COA5: variants seen among roughly 807,000 people sequenced by gnomAD.
COA5 encodes cytochrome c oxidase assembly factor 5, also known as protein C2orf64.
Under a neutral mutation model 11.8 loss-of-function variants are expected in COA5, and 11 were observed. The ratio of observed to expected loss-of-function variants is 0.93; its 90% CI spans 0.59 to 1.54. The LOEUF (loss-of-function observed/expected upper bound fraction) is 1.54, where lower values mean the gene tolerates loss of function less well. Ranked by LOEUF, COA5 falls within the 40% of genes most tolerant of loss-of-function variation. The pLI, the probability that COA5 is intolerant of heterozygous loss-of-function variation, is 0.00. For missense variants in COA5, 87 were observed against 89.2 expected (o/e 0.97, Z 0.10); for synonymous variants, 38 against 37.5 (o/e 1.01, Z -0.05).
intron 2 of COA5, among the ~76,000 whole-genome samples, chr2:98,601,554 G>A (rs1247100060): frequency 6.6e-6 from 1 of 152,206 alleles, no homozygotes; most frequent in Non-Finnish European, 1.5e-5. Flanking sequence ...CTTAAGGGTA[G>A]TAGGTAGAGC....
Position 98,600,569 on chromosome 2 carries a change from A to G in COA5, c.*183T>C, listed in dbSNP as rs1374349968. 2 of 616,366 alleles carry G rather than the reference A, an allele frequency of 3.2e-6. No individual in the cohort carries two copies. Among genetic ancestry groups the G allele is most frequent in the East Asian group, 5.6e-5 (2 of 35,842 alleles). The allele number at this position is 616,366 out of a possible 1,614,324, so 38.2% of individuals were successfully genotyped here. ...TTTCTTCTAAAAATAACTTGGATCA[A>G]GAGAATCATTTACTTTATACATATT... On this transcript the variant is annotated 3_prime_UTR_variant, in exon 3 of 3. Coordinates refer to ENST00000328709, the MANE Select transcript of COA5 (RefSeq NM_001008215.3).
intron 1 of COA5, among the ~76,000 whole-genome samples, chr2:98,607,771 C>G (rs1332567183): frequency 6.6e-6 from 1 of 152,042 alleles, no homozygotes; most frequent in Non-Finnish European, 1.5e-5. Context: ...AAGCAAGATA[C>G]GAAATCGTGA....
At chr2:98,601,916 C>G (rs962448955) in intron 2 of COA5, among the ~76,000 whole-genome samples, 1 of 152,170 alleles carries the variant, frequency 6.6e-6, no homozygotes, top group Non-Finnish European at 1.5e-5. Flanking sequence ...TCCCCTGCCC[C>G]CTTCCCCGTC....
At chr2:98,607,899 G>T (rs1332210819) in intron 1 of COA5, among the ~76,000 whole-genome samples, 5 of 152,210 alleles carry the variant, frequency 3.3e-5, no homozygotes, top group African/African-American at 9.7e-5. Flanking sequence ...CAACTGAACA[G>T]GCAGGAGACA....
In COA5 at chr2:98,600,613, T is replaced by C. The variant is rs1700628360; in HGVS notation, c.*139A>G. On this transcript the variant is annotated 3_prime_UTR_variant, in exon 3 of 3. Coordinates refer to ENST00000328709, the MANE Select transcript of COA5 (RefSeq NM_001008215.3). The stretch of plus-strand genomic sequence containing the variant: ...ACATATTCGAAAACAACTCATCCAC[T>C]TTCTTCAGTGTTCCACGGAGGGGAA... 1 of 722,550 alleles carries C rather than the reference T, an allele frequency of 1.4e-6. No homozygotes were observed. 44.8% of individuals were successfully genotyped at this position (722,550 alleles called of 1,614,324 possible).
chr2:98,600,784 T>C lies in COA5; in HGVS notation c.193A>G (p.Arg65Gly). 2 of 1,601,744 alleles carry C rather than the reference T, an allele frequency of 1.2e-6. No individual in the cohort carries two copies. Among genetic ancestry groups the C allele is most frequent in the Non-Finnish European group, 1.7e-6 (2 of 1,169,660 alleles). Residue 65 changes from arginine (R) to glycine (G), a missense_variant, in exon 3 of 3, where the codon AGG becomes GGG. Coordinates refer to ENST00000328709, the MANE Select transcript of COA5 (RefSeq NM_001008215.3). ...FECKRSVLDN[R>G]ARFRGRKGY ...CCTTTTCTTCCTCTGAATCTTGCCC[T>C]GTTATCCAACTGAAAATAAATATAC...
rs1700746953 is a variant in COA5 at position 98,608,508 on chromosome 2, G to C, written c.-103C>G. ...CCCAGTCTCAGGGGACCGGAAGCCA[G>C]CGGCAACAACTTCCGGCGGGCCGCG... On this transcript the variant is annotated 5_prime_UTR_variant, in exon 1 of 3. Transcript: ENST00000328709. 2 of 927,006 alleles carry C rather than the reference G, an allele frequency of 2.2e-6. No homozygotes were observed. The highest frequency in any genetic ancestry group is 3.4e-6 in the Non-Finnish European group (2 of 589,754). 57.4% of individuals were successfully genotyped at this position (927,006 alleles called of 1,614,324 possible). A position where few individuals can be genotyped will look rare whatever the true frequency, so the allele number is the denominator to read the frequency against.
intron 2 of COA5, 71 bp from the exon 3 acceptor site, chr2:98,600,864 G>T: frequency 1.0e-6 from 1 of 955,748 alleles, no homozygotes; most frequent in South Asian, 1.4e-5. Context: ...ACTTTGGTAA[G>T]GGTATCACCG....
At chr2:98,605,282 GT>G in intron 1 of COA5, among the ~76,000 whole-genome samples, 1 of 152,344 alleles carries the variant, frequency 6.6e-6, no homozygotes, top group African/African-American at 2.4e-5. Context: ...CCACTGGAAT[GT>G]GTGGGAAACA....
At chr2:98,606,265 G>A (rs1172661939) in intron 1 of COA5, among the ~76,000 whole-genome samples, 1 of 152,196 alleles carries the variant, frequency 6.6e-6, no homozygotes, top group Non-Finnish European at 1.5e-5. Flanking sequence ...TCCCCAGTGA[G>A]GAGCAGTGGG....
chr2:98,605,984 G>GT (rs1559145169), intron 1 of COA5: 1 of 152,136 alleles, frequency 6.6e-6, no homozygotes, highest in Admixed American at 6.5e-5. Context: ...ATTACCCTGA[G>GT]TTTCTCTGAG....
intron 1 of COA5, among the ~76,000 whole-genome samples, chr2:98,606,310 G>A (rs1317763839): frequency 6.6e-6 from 1 of 152,196 alleles, no homozygotes. Context: ...AGATTGTTCT[G>A]GACCTGCAAA....
intron 2 of COA5, chr2:98,602,610 C>T (rs1000001827): frequency 6.5e-6 from 1 of 153,850 alleles, no homozygotes; most frequent in Non-Finnish European, 1.4e-5. Context: ...GATCACACTA[C>T]TGCACTCCAG....
chr2:98,599,663 G>A lies in COA5; in HGVS notation c.*1089C>T, dbSNP rs1700613947. 1 of 152,206 alleles carries A rather than the reference G, an allele frequency of 6.6e-6. No individual in the cohort carries two copies. 9.4% of individuals were successfully genotyped at this position (152,206 alleles called of 1,614,324 possible). ...AGGTATAAAGACGCTAGAGTTCTTT[G>A]TAATTCTTCAGTGCCAAAAATAATA... On this transcript the variant is annotated 3_prime_UTR_variant, in exon 3 of 3. Transcript: ENST00000328709.
rs565267065 is a variant in COA5 at position 98,604,135 on chromosome 2, G to A, written c.156C>T (p.Tyr52=). 1.4e-5 allele frequency: 23 copies of A among 1,613,570 alleles called. No individual in the cohort carries two copies. In the East Asian group the frequency reaches 1.6e-4, roughly 11 times the overall value. ...CTGATCTTTTACACTCAAAAAATGC[G>A]TACTTCAAAGAGTTGCAGTATCCTT... ...LKEGYCNSLK[Y]AFFECKRSVL... The change falls in exon 2 of 3, where the codon TAC becomes TAT. Residue 52 remains tyrosine, a synonymous_variant. Transcript: ENST00000328709.
chr2:98,604,251 T>G, intron 1 of COA5, 60 bp from the exon 2 acceptor site: 1 of 1,232,024 alleles, frequency 8.1e-7, no homozygotes, highest in African/African-American at 1.5e-5. Flanking sequence ...AAGTACAAAA[T>G]AATTGTCCTT....
chr2:98,604,272 T>C, intron 1 of COA5, 81 bp from the exon 2 acceptor site: 1 of 1,110,816 alleles, frequency 9.0e-7, no homozygotes, highest in Non-Finnish European at 1.4e-6. Context: ...CTGAAAATAG[T>C]CCTTTTTAAA....
intron 2 of COA5, among the ~76,000 whole-genome samples, chr2:98,601,121 T>C (rs909652286): frequency 6.6e-6 from 1 of 152,056 alleles, no homozygotes; most frequent in Non-Finnish European, 1.5e-5. Context: ...GGCATGCATC[T>C]GTAATCCCAG....
rs187846327 is a variant in COA5 at position 98,608,474 on chromosome 2, G to C, written c.-69C>G. 3,151 of 1,233,772 alleles carry C rather than the reference G, an allele frequency of 2.6e-3. 17 individuals are homozygous for C. Among genetic ancestry groups the C allele is most frequent in the African/African-American group, 0.012 (778 of 67,546 alleles). 76.4% of individuals were successfully genotyped at this position (1,233,772 alleles called of 1,614,324 possible). A position where few individuals can be genotyped will look rare whatever the true frequency, so the allele number is the denominator to read the frequency against. ...CAACACTTGCAACCGGGTCGGGAGC[G>C]AGCGAGGCCCCAGTCTCAGGGGACC... is the stretch of plus-strand genomic sequence containing the variant. On this transcript the variant is annotated 5_prime_UTR_variant, in exon 1 of 3. Coordinates refer to ENST00000328709, the MANE Select transcript of COA5 (RefSeq NM_001008215.3).
Sources: gnomAD v4.1 joint callset for allele counts (sites outside exome capture counted in the v4.1 genomes callset) on GRCh38, gnomAD v4.1.1 for gene constraint, MANE v1.5 for transcripts, NCBI Gene and HGNC (gene_info 2026-07-23, HGNC 2026-07-21) for gene names.